DLG2: variants seen among roughly 807,000 people sequenced by gnomAD.
DLG2 encodes disks large homolog 2.
In DLG2, 45 loss-of-function variants were observed where a neutral mutation model predicts 132.5. The observed-to-expected ratio is 0.34, with a 90% CI of 0.27 to 0.44. The LOEUF is 0.44. Among genes scored for constraint, DLG2 ranks in the 20% least tolerant of loss-of-function variants. DLG2 has a pLI of 1.00. For synonymous variants in DLG2, 424 were observed against 419.6 expected (o/e 1.01, Z -0.13); for missense variants, 1,045 against 1,196.9 (o/e 0.87, Z 1.87).
At chr11:84,228,924 T>C (rs2097050147) in intron 8 of DLG2, among the ~76,000 whole-genome samples, 1 of 152,154 alleles carries the variant, frequency 6.6e-6, no homozygotes, top group Non-Finnish European at 1.5e-5. Context: ...GGGCCTCAGC[T>C]TTCTCATTCC....
chr11:83,873,124 TA>T (rs2154065966), intron 16 of DLG2, among the ~76,000 whole-genome samples: 1 of 152,358 alleles, frequency 6.6e-6, no homozygotes, highest in South Asian at 2.1e-4. Context: ...TACCACATTA[TA>T]GAGGACAGAG....
At chr11:83,773,986 T>C (rs1228984599) in intron 18 of DLG2, among the ~76,000 whole-genome samples, 1 of 152,210 alleles carries the variant, frequency 6.6e-6, no homozygotes, top group Non-Finnish European at 1.5e-5. Flanking sequence ...GGTGGTAAGA[T>C]CCTTGCTTCA....
chr11:84,454,632 T>C (rs532648723), intron 7 of DLG2, among the ~76,000 whole-genome samples: 19 of 151,654 alleles, frequency 1.3e-4, no homozygotes, highest in African/African-American at 4.6e-4. Context: ...ATTGTATTTA[T>C]AAAATGAAAT....
chr11:84,272,528 T>G (rs958675822), intron 7 of DLG2, among the ~76,000 whole-genome samples: 1 of 152,180 alleles, frequency 6.6e-6, no homozygotes, highest in African/African-American at 2.4e-5. Context: ...GCCAGCCTGA[T>G]TCCTCTGGTT....
At chr11:84,760,711 C>T (rs1233492076) in intron 6 of DLG2, among the ~76,000 whole-genome samples, 2 of 152,168 alleles carry the variant, frequency 1.3e-5, no homozygotes, top group Admixed American at 1.3e-4. Context: ...TTTTTCTCTG[C>T]AGTCCTGTAT....
chr11:83,897,400 C>A (rs2072073169), intron 15 of DLG2, among the ~76,000 whole-genome samples: 1 of 152,146 alleles, frequency 6.6e-6, no homozygotes, highest in Non-Finnish European at 1.5e-5. Flanking sequence ...ACTTTGTTTT[C>A]CAATGCCTTT....
chr11:84,451,755 G>GA (rs2099052229), intron 7 of DLG2, among the ~76,000 whole-genome samples: 1 of 151,652 alleles, frequency 6.6e-6, no homozygotes, highest in Non-Finnish European at 1.5e-5. Context: ...AAGATAAATA[G>GA]AAAAATGTAG....
intron 19 of DLG2, chr11:83,632,587 A>G (rs954236634): frequency 6.6e-6 from 1 of 152,304 alleles, no homozygotes; most frequent in Non-Finnish European, 1.5e-5. Flanking sequence ...GGTAGCTACT[A>G]GGATGAAAGA....
At chr11:85,577,143 A>T (rs114539175) in intron 3 of DLG2, among the ~76,000 whole-genome samples, 1 of 152,176 alleles carries the variant, frequency 6.6e-6, no homozygotes. Context: ...CCAGTGAAAG[A>T]TTTTTAAAAT....
At chr11:85,076,798 C>G (rs1267729284) in intron 6 of DLG2, among the ~76,000 whole-genome samples, 1 of 151,974 alleles carries the variant, frequency 6.6e-6, no homozygotes, top group Admixed American at 6.6e-5. Flanking sequence ...GTCCCACAAA[C>G]CAGAGTGAAA....
At chr11:85,007,623 C>G (rs375068215) in intron 6 of DLG2, among the ~76,000 whole-genome samples, 3 of 136,626 alleles carry the variant, frequency 2.2e-5, no homozygotes, top group African/African-American at 8.5e-5. Context: ...CCGTGATTGG[C>G]CACTGCACTC....
chr11:83,909,199 G>C (rs2075604118), intron 15 of DLG2, among the ~76,000 whole-genome samples: 1 of 152,310 alleles, frequency 6.6e-6, no homozygotes, highest in Non-Finnish European at 1.5e-5. Context: ...CCTTGTTCTA[G>C]TAGGGCATTT....
chr11:85,076,409 G>T (rs1378185763), intron 6 of DLG2, among the ~76,000 whole-genome samples: 2 of 151,986 alleles, frequency 1.3e-5, no homozygotes, highest in Admixed American at 1.3e-4. Context: ...TTTCATTCAG[G>T]AAACAGCCAA....
intron 3 of DLG2, among the ~76,000 whole-genome samples, chr11:85,308,456 C>G (rs80063191): frequency 6.6e-6 from 1 of 152,072 alleles, no homozygotes; most frequent in Non-Finnish European, 1.5e-5. Flanking sequence ...GGCAGAAAAC[C>G]AGAGAATAGG....
chr11:85,435,315 A>C (rs2091417716), intron 3 of DLG2, among the ~76,000 whole-genome samples: 1 of 151,934 alleles, frequency 6.6e-6, no homozygotes, highest in Non-Finnish European at 1.5e-5. Flanking sequence ...AGTTCTGGCT[A>C]TCAGGCAAGA....
intron 15 of DLG2, among the ~76,000 whole-genome samples, chr11:83,922,660 C>T (rs775136695): frequency 2.6e-5 from 4 of 151,996 alleles, no homozygotes; most frequent in Non-Finnish European, 4.4e-5. Context: ...AGATTCGTGG[C>T]AGAGTGGATG....
chr11:83,855,024 C>A (rs1368447108), intron 16 of DLG2, among the ~76,000 whole-genome samples: 2 of 152,150 alleles, frequency 1.3e-5, no homozygotes, highest in South Asian at 4.1e-4. Flanking sequence ...GAACCTCAGA[C>A]ACCTCATCAA....
At chr11:84,806,580 C>G (rs753552676) in intron 6 of DLG2, among the ~76,000 whole-genome samples, 157 of 152,222 alleles carry the variant, frequency 1.0e-3, no homozygotes, top group Admixed American at 2.0e-3. Context: ...ATACTATACT[C>G]AGTGAAAATA....
intron 19 of DLG2, among the ~76,000 whole-genome samples, chr11:83,627,710 A>G (rs1024524554): frequency 9.2e-5 from 14 of 152,158 alleles, no homozygotes; most frequent in African/African-American, 1.9e-4. Context: ...ATGATTTATA[A>G]TCCTTTGGGT....
Sources: allele counts gnomAD v4.1 joint callset (sites outside exome capture counted in the v4.1 genomes callset), GRCh38; gene constraint gnomAD v4.1.1; transcripts MANE v1.5; gene names NCBI Gene and HGNC (gene_info 2026-07-23, HGNC 2026-07-21).